LRRC18: variants seen among roughly 807,000 people sequenced by gnomAD.
The protein encoded by LRRC18 is leucine rich repeat containing 18, also known as leucine-rich repeat-containing protein 18.
In LRRC18, 12 loss-of-function variants were observed where a neutral mutation model predicts 11.2. The ratio of observed to expected loss-of-function variants is 1.07; its 90% CI spans 0.69 to 1.74. The LOEUF (loss-of-function observed/expected upper bound fraction) is 1.74, where lower values mean the gene tolerates loss of function less well. Ranked by LOEUF, LRRC18 falls within the 40% of genes most tolerant of loss-of-function variation. The pLI, the probability that LRRC18 is intolerant of heterozygous loss-of-function variation, is 0.00. For missense variants in LRRC18, 374 were observed against 330.5 expected (o/e 1.13, Z -1.02); for synonymous variants, 155 against 130.6 (o/e 1.19, Z -1.27).
At chr10:48,931,605 A>G in the LRRC18 span, among the ~76,000 whole-genome samples, 3 of 152,310 alleles carry the variant, frequency 2.0e-5, no homozygotes, top group African/African-American at 7.2e-5. Flanking sequence ...ACTGTGGCCT[A>G]CTTTTTGAAG....
At chr10:48,922,146 C>A in the LRRC18 span, among the ~76,000 whole-genome samples, 24 of 152,064 alleles carry the variant, frequency 1.6e-4, no homozygotes, top group Non-Finnish European at 2.9e-4. Flanking sequence ...TTTTTAGTTC[C>A]CCAGATTGGA....
chr10:48,931,052 A>T, the LRRC18 span, among the ~76,000 whole-genome samples: 1 of 151,670 alleles, frequency 6.6e-6, no homozygotes, highest in African/African-American at 2.4e-5. Flanking sequence ...ATTTCTAACC[A>T]GAAAAAAAAG....
the LRRC18 span, among the ~76,000 whole-genome samples, chr10:48,929,732 A>G: frequency 1.3e-5 from 2 of 152,126 alleles, no homozygotes; most frequent in African/African-American, 2.4e-5. Flanking sequence ...GATGATAAGC[A>G]TCTCAAACCC....
At chr10:48,914,317 G>T (rs1589871057), upstream of LRRC18, 2 of 754,336 alleles carry the variant, frequency 2.7e-6, no homozygotes, top group East Asian at 2.7e-5. Context: ...CTCTTCAGTG[G>T]TTTAAAAAGC....
At chr10:48,933,042 G>A in the LRRC18 span, among the ~76,000 whole-genome samples, 2 of 152,168 alleles carry the variant, frequency 1.3e-5, no homozygotes, top group East Asian at 1.9e-4. Context: ...CAGAGGCAGG[G>A]AAGGAGAGTG....
At chr10:48,934,118 C>T in the LRRC18 span, among the ~76,000 whole-genome samples, 223 of 152,282 alleles carry the variant, frequency 1.5e-3, 1 homozygote, top group African/African-American at 5.2e-3. Context: ...TCCTCCTAGA[C>T]GTGTGACTTT....
At chr10:48,922,081 G>T in the LRRC18 span, among the ~76,000 whole-genome samples, 1 of 152,140 alleles carries the variant, frequency 6.6e-6, no homozygotes, top group African/African-American at 2.4e-5. Context: ...CCTTCAATGG[G>T]TGGATTCCTA....
exon 1 of LRRC18, chr10:48,913,541 A>G (rs751123396): frequency 3.7e-6 from 6 of 1,613,360 alleles, no homozygotes; most frequent in East Asian, 2.2e-5. Context: ...CCGCACACAG[A>G]TCCTTCTCCT....
exon 1 of LRRC18, chr10:48,913,409 G>A (rs41302987): frequency 0.055 from 88,522 of 1,611,790 alleles, 2,662 homozygotes; most frequent in Non-Finnish European, 0.063. Context: ...CTTCCCAGGA[G>A]TCCTTGGCCA....
chr10:48,913,493 C>T (rs781345560), exon 1 of LRRC18: 10 of 1,613,812 alleles, frequency 6.2e-6, no homozygotes, highest in Non-Finnish European at 8.5e-6. Flanking sequence ...TGATTCTATT[C>T]AGGTTGTCCC....
the LRRC18 span, among the ~76,000 whole-genome samples, chr10:48,928,000 C>G: frequency 6.6e-6 from 1 of 152,166 alleles, no homozygotes. Flanking sequence ...GTCAAAGAAC[C>G]AAAGGCAGAC....
At chr10:48,938,117 G>C in the LRRC18 span, among the ~76,000 whole-genome samples, 1 of 152,190 alleles carries the variant, frequency 6.6e-6, no homozygotes, top group African/African-American at 2.4e-5. Context: ...TATGCCTAGT[G>C]CTTCTTAACT....
chr10:48,936,988 C>T, the LRRC18 span, among the ~76,000 whole-genome samples: 1 of 151,824 alleles, frequency 6.6e-6, no homozygotes, highest in South Asian at 2.1e-4. Context: ...GGCACGACCT[C>T]GGCTCACTGC....
the LRRC18 span, among the ~76,000 whole-genome samples, chr10:48,933,881 A>G: frequency 2.0e-5 from 3 of 152,094 alleles, no homozygotes; most frequent in Admixed American, 6.6e-5. Context: ...AGGGCCTGAC[A>G]TCACCCTTGA....
At chr10:48,919,867 C>CA in the LRRC18 span, among the ~76,000 whole-genome samples, 1,017 of 150,948 alleles carry the variant, frequency 6.7e-3, 13 homozygotes, top group African/African-American at 0.023. Context: ...TGATCTCTTT[C>CA]AAAAAAAAAT....
At chr10:48,935,141 C>T in the LRRC18 span, 3 of 152,178 alleles carry the variant, frequency 2.0e-5, no homozygotes, top group South Asian at 2.1e-4. Context: ...TAAAGTAAAT[C>T]GATAAGCGCA....
At chr10:48,931,489 T>C in the LRRC18 span, among the ~76,000 whole-genome samples, 146,468 of 152,174 alleles carry the variant, frequency 0.96, 70,737 homozygotes, top group East Asian at 1. Flanking sequence ...CGTGGCCTGT[T>C]GTGAGAGGGT....
At chr10:48,934,594 T>A in the LRRC18 span, among the ~76,000 whole-genome samples, 5 of 152,246 alleles carry the variant, frequency 3.3e-5, no homozygotes, top group Non-Finnish European at 7.3e-5. Flanking sequence ...TAACCACTTA[T>A]TAGTGGGTTC....
the LRRC18 span, among the ~76,000 whole-genome samples, chr10:48,939,329 C>T: frequency 6.6e-6 from 1 of 152,186 alleles, no homozygotes; most frequent in Non-Finnish European, 1.5e-5. Flanking sequence ...TTTTCCAGAC[C>T]CATGGTCTCA....
Sources: allele counts gnomAD v4.1 joint callset (sites outside exome capture counted in the v4.1 genomes callset), GRCh38; gene constraint gnomAD v4.1.1; transcripts MANE v1.5; gene names NCBI Gene and HGNC (gene_info 2026-07-23, HGNC 2026-07-21).